Variants in ZNF710 observed in about 807,000 individuals in gnomAD.
ZNF710 encodes the protein zinc finger protein 710.
ZNF710 carries 13 observed loss-of-function variants against 50.6 expected under a neutral mutation model. That is an observed-to-expected ratio of 0.26 (90% CI 0.17 to 0.41). The LOEUF is 0.41. Ranked by LOEUF, ZNF710 falls within the 10% of genes least tolerant of loss-of-function variation. ZNF710 has a pLI of 1.00. For missense variants in ZNF710, 721 were observed against 936.6 expected, an observed-to-expected ratio of 0.77 and a Z score of 3.01; for synonymous variants, 383 against 397.0, an observed-to-expected ratio of 0.96 and a Z score of 0.42.
chr15:90,045,115 T>C (rs1228526236), intron 1 of ZNF710, among the ~76,000 whole-genome samples: 1 of 152,218 alleles, frequency 6.6e-6, no homozygotes, highest in Non-Finnish European at 1.5e-5. Context: ...ATCCATCTCC[T>C]GGGAGTTGTA....
At position 90,079,941 on chromosome 15, in the gene ZNF710, C is replaced by G; in HGVS notation, c.*112C>G. 1 of 1,048,590 alleles carries G rather than the reference C, an allele frequency of 9.5e-7. No homozygotes were observed. The highest frequency in any genetic ancestry group is 1.3e-6 in the Non-Finnish European group (1 of 757,896). The allele number at this position is 1,048,590 out of a possible 1,614,324, so 65.0% of individuals were successfully genotyped here. A position where few individuals can be genotyped will look rare whatever the true frequency, so the allele number is the denominator to read the frequency against. On this transcript the variant is annotated 3_prime_UTR_variant, in exon 5 of 5. Transcript: ENST00000268154. ...AGAAACAAGCTACTGCCCCACTGTT[C>G]TGAGCCCTCCCTCCCCGAGTCATTT...
intron 1 of ZNF710, among the ~76,000 whole-genome samples, chr15:90,037,801 C>T (rs1460724648): frequency 2.0e-5 from 3 of 152,182 alleles, no homozygotes; most frequent in African/African-American, 7.2e-5. Context: ...CTTCTGCCCT[C>T]AAAGAACTCT....
intron 1 of ZNF710, among the ~76,000 whole-genome samples, chr15:90,031,024 AAAAG>A (rs1898929319): frequency 6.7e-6 from 1 of 150,252 alleles, no homozygotes; most frequent in Non-Finnish European, 1.5e-5. Context: ...GTCTCAAAAA[AAAAG>A]AAAAAAAAAA....
At chr15:90,001,792 G>A (rs1567215625) in intron 1 of ZNF710, among the ~76,000 whole-genome samples, 178 bp downstream of exon 1, 1 of 146,026 alleles carries the variant, frequency 6.8e-6, no homozygotes, top group Non-Finnish European at 1.5e-5. Flanking sequence ...CAAACATGTC[G>A]TCTTTTCCTT....
rs576006363 is a variant in ZNF710 at position 90,077,530 on chromosome 15, C to T, written c.1826-2130C>T. Among the ~76,000 whole-genome samples the T allele has an allele frequency of 4.6e-5, 7 of 152,290 alleles. No homozygotes were observed. The South Asian group carries it at 1.4e-3, about 32-fold the overall frequency. On this transcript the variant is annotated intron_variant, in intron 4 of 4. Coordinates refer to ENST00000268154, the MANE Select transcript of ZNF710 (RefSeq NM_198526.4). ...AAGTGCTGGGATTACAGGCATGAGC[C>T]ACTGCGCCTGGCCCCCAAGGTGCTT... is the stretch of plus-strand genomic sequence containing the variant.
intron 1 of ZNF710, among the ~76,000 whole-genome samples, chr15:90,015,748 C>T (rs1474178424): frequency 3.3e-5 from 5 of 151,894 alleles, no homozygotes; most frequent in Non-Finnish European, 7.4e-5. Flanking sequence ...GGCGCATGCC[C>T]GTAAATACTG....
chr15:90,065,545 C>T (rs1417026329), intron 1 of ZNF710, among the ~76,000 whole-genome samples: 2 of 152,112 alleles, frequency 1.3e-5, no homozygotes, highest in African/African-American at 4.8e-5. Context: ...AGCCACGCCT[C>T]GGAGGCTGGT....
Position 90,034,204 on chromosome 15 carries a change from A to AAAGAG in ZNF710, c.-29+32594_-29+32595insGAAGA, listed in dbSNP as rs1899036035. On this transcript the variant is annotated intron_variant, in intron 1 of 4. Coordinates refer to ENST00000268154, the MANE Select transcript of ZNF710 (RefSeq NM_198526.4). The surrounding 1 kb of genome is among the most constrained non-coding windows in gnomAD (Gnocchi z 4.0). ...CAGAGTGAGACTCTGTCTCAAAAAA[A>AAAGAG]AAGAAAAGAAAAGAAAAGAAAAGAA... 6.8e-6 allele frequency among the ~76,000 whole-genome samples: 1 copy of AAAGAG among 146,576 alleles called. No homozygotes were observed. The highest frequency in any genetic ancestry group is 1.5e-5 in the Non-Finnish European group (1 of 66,914).
At chr15:90,061,105 C>T (rs1292084350) in intron 1 of ZNF710, among the ~76,000 whole-genome samples, 1 of 152,176 alleles carries the variant, frequency 6.6e-6, no homozygotes, top group African/African-American at 2.4e-5. Flanking sequence ...GCAGAAGCCC[C>T]AGACCTCTGT....
chr15:90,010,755 A>AT (rs1005902545), intron 1 of ZNF710, among the ~76,000 whole-genome samples: 1 of 151,692 alleles, frequency 6.6e-6, no homozygotes, highest in African/African-American at 2.4e-5. Flanking sequence ...CTTTTTAAAA[A>AT]TTTTTTATTT....
chr15:90,021,898 A>G (rs577815348), intron 1 of ZNF710, among the ~76,000 whole-genome samples: 16 of 152,234 alleles, frequency 1.1e-4, no homozygotes, highest in Non-Finnish European at 2.1e-4. Flanking sequence ...CCAGGTGAAC[A>G]TAGCAAAACC....
At chr15:90,077,183 A>ATT (rs1035071254) in intron 4 of ZNF710, among the ~76,000 whole-genome samples, 1 of 151,666 alleles carries the variant, frequency 6.6e-6, no homozygotes, top group African/African-American at 2.4e-5. Flanking sequence ...CATAGACTTA[A>ATT]TAAACAAAAT....
intron 1 of ZNF710, among the ~76,000 whole-genome samples, chr15:90,042,445 G>A (rs896762480): frequency 6.6e-6 from 1 of 151,826 alleles, no homozygotes; most frequent in African/African-American, 2.4e-5. Flanking sequence ...ACACCACTGA[G>A]CTCCACACAG....
intron 1 of ZNF710, among the ~76,000 whole-genome samples, chr15:90,016,705 G>A (rs1898466122): frequency 1.3e-5 from 2 of 152,188 alleles, no homozygotes; most frequent in Non-Finnish European, 2.9e-5. Context: ...ATAGGCGTGG[G>A]CCACTGTGCC....
intron 1 of ZNF710, among the ~76,000 whole-genome samples, chr15:90,061,735 G>C (rs1900014209): frequency 6.6e-6 from 1 of 152,212 alleles, no homozygotes; most frequent in Non-Finnish European, 1.5e-5. Context: ...TGGGATGAGA[G>C]GAGGTGCTGT....
At chr15:90,004,828 G>C (rs750866167) in intron 1 of ZNF710, among the ~76,000 whole-genome samples, 13 of 152,240 alleles carry the variant, frequency 8.5e-5, no homozygotes, top group Non-Finnish European at 1.6e-4. Flanking sequence ...GGTAAATGGA[G>C]CGCCTCATTT....
Position 90,034,136 on chromosome 15 carries a change from T to A in ZNF710, c.-29+32522T>A, listed in dbSNP as rs763687856. Reference sequence around the variant, plus strand: ...TCGCTTGAACCCAGGAGGCAGAGGTTGCAGTGAGCCGAGATCGCATCATTG... The same window carrying A: ...TCGCTTGAACCCAGGAGGCAGAGGTAGCAGTGAGCCGAGATCGCATCATTG... On this transcript the variant is annotated intron_variant, in intron 1 of 4. Transcript: ENST00000268154. This position sits in a 1 kb window ranked among gnomAD's most constrained non-coding sequence, Gnocchi z 4.0. 1.3e-5 allele frequency among the ~76,000 whole-genome samples: 2 copies of A among 151,732 alleles called. No individual in the cohort carries two copies. The highest frequency in any genetic ancestry group is 2.9e-5 in the Non-Finnish European group (2 of 67,958).
At chr15:90,020,487 C>T (rs1245138145) in intron 1 of ZNF710, among the ~76,000 whole-genome samples, 2 of 45,476 alleles carry the variant, frequency 4.4e-5, no homozygotes, top group Non-Finnish European at 1.4e-4. Flanking sequence ...ACTGCCTCCC[C>T]GCCCCCGGGG....
chr15:90,053,240 C>G (rs1899700662), intron 1 of ZNF710, among the ~76,000 whole-genome samples: 1 of 152,158 alleles, frequency 6.6e-6, no homozygotes, highest in South Asian at 2.1e-4. Flanking sequence ...TGCTGGGTGC[C>G]TCAGCCTGGG....
Sources: gnomAD v4.1 joint callset for allele counts (sites outside exome capture counted in the v4.1 genomes callset) on GRCh38, gnomAD v4.1.1 for gene constraint, Gnocchi (gnomAD v3.1) non-coding constraint, MANE v1.5 for transcripts, NCBI Gene and HGNC (gene_info 2026-07-23, HGNC 2026-07-21) for gene names.